WDR12: variants seen among roughly 807,000 people sequenced by gnomAD.
The protein encoded by WDR12 is WD repeat domain 12, also known as ribosome biogenesis protein WDR12.
Under a neutral mutation model 64.3 loss-of-function variants are expected in WDR12, and 42 were observed. That is an observed-to-expected ratio of 0.65 (90% CI 0.51 to 0.84). The LOEUF is 0.84. Ranked by LOEUF, WDR12 falls within the 40% of genes least tolerant of loss-of-function variation. The pLI is 0.00. For missense variants in WDR12, 469 were observed against 494.6 expected, an observed-to-expected ratio of 0.95 and a Z score of 0.49; for synonymous variants, 158 against 173.3, an observed-to-expected ratio of 0.91 and a Z score of 0.70.
At position 202,894,577 on chromosome 2, in the gene WDR12, T is replaced by A; in HGVS notation, c.655+4A>T. ...AGTCAAGGTAAAATAAATATTTAAT[T>A]TACCTGTAGACCAGATCTTTAGCAT... On this transcript the variant is annotated splice_donor_region_variant and intron_variant, in intron 7 of 12. Coordinates refer to ENST00000261015, the MANE Select transcript of WDR12 (RefSeq NM_018256.4). The A allele has an allele frequency of 6.3e-7, 1 of 1,595,710 alleles. No homozygotes were observed. The highest frequency in any genetic ancestry group is 8.5e-7 in the Non-Finnish European group (1 of 1,173,188).
rs1036696382 is a variant in WDR12 at position 202,883,705 on chromosome 2, G to C, written c.1025C>G (p.Thr342Ser). 1 of 1,613,938 alleles carries C rather than the reference G, an allele frequency of 6.2e-7. No homozygotes were observed. Among genetic ancestry groups the C allele is most frequent in the African/African-American group, 1.3e-5 (1 of 75,028 alleles). Residue 342 changes from threonine to serine, a missense_variant, in exon 11 of 13, where the codon ACT becomes AGT. By Grantham distance (58) the Thr-to-Ser change is moderately conservative. Coordinates refer to ENST00000261015, the MANE Select transcript of WDR12 (RefSeq NM_018256.4). ...SLVSLSLTSH[T>S]GWVTSVKWSP... is the part of the protein sequence containing the mutation. ...CCATTTTACTGATGTCACCCAACCA[G>C]TATGTGACGTTAGGGACAGCGACAC... is the stretch of plus-strand genomic sequence containing the variant.
At chr2:202,898,073 AC>A (rs1320448820) in intron 4 of WDR12, among the ~76,000 whole-genome samples, 1 of 30,094 alleles carries the variant, frequency 3.3e-5, no homozygotes, top group African/African-American at 6.7e-5. Context: ...TTCCAAAACC[AC>A]CCCCACCCAA....
chr2:202,900,161 C>A (rs1559162966), intron 3 of WDR12, among the ~76,000 whole-genome samples: 1 of 151,942 alleles, frequency 6.6e-6, no homozygotes, highest in South Asian at 2.1e-4. Flanking sequence ...GAAACTCTGT[C>A]TCTACTGAAG....
rs535517084 is a variant in WDR12, at chr2:202,882,755, C to A, written c.1150G>T (p.Ala384Ser). 6.8e-6 allele frequency: 11 copies of A among 1,614,076 alleles called. No individual in the cohort carries two copies. In the South Asian group the frequency reaches 9.9e-5, roughly 14 times the overall value. ...ACACTCAGAACTTTGTCTTCATGAG[C>A]AGCCAGATCATAGAGAGGAGCCTTA... ...SCKAPLYDLAAHEDKVLSVDW... is the reference protein window; with the variant it reads ...SCKAPLYDLASHEDKVLSVDW... Residue 384 changes from alanine (A) to serine (S), a missense_variant, in exon 12 of 13, where the codon GCT (alanine) becomes TCT (serine). Ala to Ser is a moderately conservative substitution (Grantham distance 99, BLOSUM62 1). Coordinates refer to ENST00000261015, the MANE Select transcript of WDR12 (RefSeq NM_018256.4).
chr2:202,911,480 G>A lies in WDR12; in HGVS notation c.-4C>T, dbSNP rs1688649193. On this transcript the variant is annotated 5_prime_UTR_variant, in exon 1 of 13. Coordinates refer to ENST00000261015, the MANE Select transcript of WDR12 (RefSeq NM_018256.4). ...AGCGTGTTTGGAGCTGAGCCATGGC[G>A]AGGAGTACACACGACTTGCCCACGG... 1.2e-6 allele frequency: 2 copies of A among 1,613,692 alleles called. No individual in the cohort carries two copies. Among genetic ancestry groups the A allele is most frequent in the African/African-American group, 1.3e-5 (1 of 74,898 alleles).
Position 202,880,890 on chromosome 2 carries a change from A to T in WDR12, c.1242T>A (p.Tyr414Ter). 6.2e-7 allele frequency: 1 copy of T among 1,610,544 alleles called. No homozygotes were observed. Among genetic ancestry groups the T allele is most frequent in the Non-Finnish European group, 8.5e-7 (1 of 1,178,312 alleles). ...GADNKLYSYR[Y>*]SPTTSHVGA ...CCCCAACATGGGAAGTGGTAGGTGAATATCTGTAGGAATACAATTTATTGT... is the reference window on the plus strand; with the variant it reads ...CCCCAACATGGGAAGTGGTAGGTGATTATCTGTAGGAATACAATTTATTGT... The change falls in exon 13 of 13, where the codon TAT (tyrosine) becomes TAA (stop). Residue 414 changes from tyrosine to a stop codon, truncating the protein, a stop_gained. Transcript: ENST00000261015. LOFTEE classifies it high-confidence loss of function.
At chr2:202,892,899 TA>T (rs1688178640) in intron 7 of WDR12, among the ~76,000 whole-genome samples, 197 bp from the exon 8 acceptor site, 1 of 152,090 alleles carries the variant, frequency 6.6e-6, no homozygotes, top group Non-Finnish European at 1.5e-5. Flanking sequence ...AAATAAAAAA[TA>T]AAACATAAAC....
At chr2:202,882,876 G>A in intron 11 of WDR12, 93 bp from the exon 12 acceptor site, 2 of 1,298,602 alleles carry the variant, frequency 1.5e-6, no homozygotes, top group Non-Finnish European at 1.1e-6. Context: ...AACTTTACAG[G>A]GTTTACCAAC....
chr2:202,892,076 G>A (rs535465247), intron 8 of WDR12, among the ~76,000 whole-genome samples: 8 of 152,334 alleles, frequency 5.3e-5, no homozygotes, highest in African/African-American at 1.4e-4. Context: ...TGTAGTACAC[G>A]TTGAATATGT....
At chr2:202,890,229 A>G (rs1379043167) in intron 8 of WDR12, among the ~76,000 whole-genome samples, 4 of 152,068 alleles carry the variant, frequency 2.6e-5, no homozygotes, top group African/African-American at 9.7e-5. Context: ...ACCCTATCTC[A>G]ATAATGGATA....
rs1687863883 is a variant in WDR12, at chr2:202,876,643, A to T, written c.*4217T>A. ...GGAGCCATAGTAATATCTATTAAAA[A>T]ATCTGTATTTTTGGCCAGGCACAGT... On this transcript the variant is annotated 3_prime_UTR_variant, in exon 13 of 13. Transcript: ENST00000261015. 6.6e-6 allele frequency: 1 copy of T among 152,204 alleles called. No homozygotes were observed. Among genetic ancestry groups the T allele is most frequent in the African/African-American group, 2.4e-5 (1 of 41,450 alleles). 9.4% of individuals were successfully genotyped at this position (152,204 alleles called of 1,614,324 possible).
chr2:202,883,662 C>T lies in WDR12; in HGVS notation c.1068G>A (p.Gln356=). The change falls in exon 11 of 13, where the codon CAG becomes CAA. Residue 356 remains glutamine, a synonymous_variant. Transcript: ENST00000261015. The part of the protein sequence containing the change: ...TSVKWSPTHE[Q]QLISGSLDNI... ...TATCTAAAGATCCTGAAATCAGCTG[C>T]TGTTCATGGGTAGGAGACCATTTTA... 6.2e-7 allele frequency: 1 copy of T among 1,614,106 alleles called. No individual in the cohort carries two copies. The highest frequency in any genetic ancestry group is 8.5e-7 in the Non-Finnish European group (1 of 1,180,014).
In WDR12 at chr2:202,880,659, C is replaced by T. The variant is rs985987611; in HGVS notation, c.*201G>A. The T allele has an allele frequency of 2.9e-6, 1 of 342,372 alleles. No individual in the cohort carries two copies. Among genetic ancestry groups the T allele is most frequent in the African/African-American group, 2.1e-5 (1 of 46,684 alleles). The allele number at this position is 342,372 out of a possible 1,614,324, so 21.2% of individuals were successfully genotyped here. A position where few individuals can be genotyped will look rare whatever the true frequency, so the allele number is the denominator to read the frequency against. On this transcript the variant is annotated 3_prime_UTR_variant, in exon 13 of 13. Coordinates refer to ENST00000261015, the MANE Select transcript of WDR12 (RefSeq NM_018256.4). ...TTCAAGTTTGTATAGAGAATGTATG[C>T]CACAGTTTGTATTTTATAAACACAA...
At chr2:202,884,101 A>C in intron 10 of WDR12, 97 bp downstream of exon 10, 1 of 1,257,864 alleles carries the variant, frequency 7.9e-7, no homozygotes, top group Admixed American at 2.2e-5. Context: ...ATGAGCCACC[A>C]CGCCTGGCCA....
At chr2:202,909,361 G>C (rs528825980) in intron 1 of WDR12, among the ~76,000 whole-genome samples, 3 of 152,302 alleles carry the variant, frequency 2.0e-5, no homozygotes, top group South Asian at 4.1e-4. Context: ...AAAAAGGAAT[G>C]AAGTGCTAAT....
intron 12 of WDR12, among the ~76,000 whole-genome samples, chr2:202,881,938 G>GTAT (rs1264551364): frequency 6.6e-6 from 1 of 151,914 alleles, no homozygotes; most frequent in African/African-American, 2.4e-5. Flanking sequence ...ACTATTCCTA[G>GTAT]TATTATTATT....
intron 8 of WDR12, among the ~76,000 whole-genome samples, chr2:202,889,886 C>CGG (rs2105905408): frequency 1.5e-5 from 2 of 135,248 alleles, no homozygotes; most frequent in South Asian, 5.6e-4. Context: ...CACTGCACCA[C>CGG]TCCTCTCAAA....
chr2:202,886,342 C>T (rs930723636), intron 8 of WDR12, among the ~76,000 whole-genome samples: 4 of 151,792 alleles, frequency 2.6e-5, no homozygotes, highest in Admixed American at 1.3e-4. Flanking sequence ...CCTGTAGTCT[C>T]AGCTACCTGA....
Position 202,876,952 on chromosome 2 carries a change from A to C in WDR12, c.*3908T>G, listed in dbSNP as rs1217922685. 6.6e-6 allele frequency: 1 copy of C among 152,144 alleles called. No individual in the cohort carries two copies. The highest frequency in any genetic ancestry group is 2.4e-5 in the African/African-American group (1 of 41,410). The allele number at this position is 152,144 out of a possible 1,614,324, so 9.4% of individuals were successfully genotyped here. ...TCTCTAAAAAATGAACAAAAATAAAAACTAGTATCTTTCAAAAAATTTAAT... is the reference window on the plus strand; with the variant it reads ...TCTCTAAAAAATGAACAAAAATAAACACTAGTATCTTTCAAAAAATTTAAT... On this transcript the variant is annotated 3_prime_UTR_variant, in exon 13 of 13. Coordinates refer to ENST00000261015, the MANE Select transcript of WDR12 (RefSeq NM_018256.4).
Sources: gnomAD v4.1 joint callset for allele counts (sites outside exome capture counted in the v4.1 genomes callset) on GRCh38, gnomAD v4.1.1 for gene constraint, MANE v1.5 for transcripts, NCBI Gene and HGNC (gene_info 2026-07-23, HGNC 2026-07-21) for gene names.